CDH13: variants seen among roughly 807,000 people sequenced by gnomAD.
CDH13 encodes cadherin-13.
In CDH13, 24 loss-of-function variants were observed where a neutral mutation model predicts 63.8. The ratio of observed to expected loss-of-function variants is 0.38; its 90% CI spans 0.27 to 0.53. The LOEUF (loss-of-function observed/expected upper bound fraction) is 0.53. CDH13 is among the 20% of genes least tolerant of loss of function. The pLI is 0.85. For missense variants in CDH13, 1,049 were observed against 903.1 expected (o/e 1.16, Z -2.07); for synonymous variants, 503 against 355.3 (o/e 1.42, Z -4.67).
intron 1 of CDH13, among the ~76,000 whole-genome samples, chr16:82,740,060 C>T (rs892721134): frequency 5.9e-5 from 9 of 152,136 alleles, no homozygotes; most frequent in African/African-American, 1.9e-4. Context: ...AGAATGTGGA[C>T]GCCTATTACA....
intron 5 of CDH13, among the ~76,000 whole-genome samples, chr16:83,253,675 C>G (rs1161202030): frequency 6.6e-6 from 1 of 152,210 alleles, no homozygotes; most frequent in South Asian, 2.1e-4. Context: ...TCTGCAAATA[C>G]TCTTAAGATC....
At position 83,220,456 on chromosome 16, in the gene CDH13, C is replaced by T. The variant is rs74034414; in HGVS notation, c.636+2959C>T. Among the ~76,000 whole-genome samples the T allele has an allele frequency of 3.8e-3, 581 of 152,190 alleles. 4 individuals carry two copies. The highest frequency in any genetic ancestry group is 0.013 in the African/African-American group (551 of 41,504). ...AATGTGGTTCTTCAAAGAGGAGAAT[C>T]CTGGGTCTCCAAATCCTCACATTTT... On this transcript the variant is annotated intron_variant, in intron 5 of 13. Transcript: ENST00000567109.
At chr16:83,301,901 C>G (rs914690410) in intron 5 of CDH13, among the ~76,000 whole-genome samples, 4 of 149,626 alleles carry the variant, frequency 2.7e-5, no homozygotes, top group African/African-American at 9.9e-5. Context: ...TGTTTTCTGG[C>G]AGATACTTAA....
At chr16:83,074,015 G>A (rs989118705) in intron 3 of CDH13, among the ~76,000 whole-genome samples, 1 of 152,036 alleles carries the variant, frequency 6.6e-6, no homozygotes, top group African/African-American at 2.4e-5. Flanking sequence ...CTCCCCTCTA[G>A]CTATTTTGAG....
chr16:83,771,111 TG>T lies in CDH13; in HGVS notation c.1682-8856del, dbSNP rs371465776. ...GCTCAAAGCAACAGCCTGCCTGGTT[TG>T]CTTGGACTTTTCCTAGACTGTATGA... On this transcript the variant is annotated intron_variant, in intron 11 of 13. Coordinates refer to ENST00000567109, the MANE Select transcript of CDH13 (RefSeq NM_001257.5). Among the ~76,000 whole-genome samples the T allele has an allele frequency of 1.2e-4, 19 of 152,306 alleles. No individual in the cohort carries two copies. The East Asian group carries it at 3.7e-3, about 29-fold the overall frequency.
At chr16:83,130,574 G>A (rs2036001219) in intron 4 of CDH13, among the ~76,000 whole-genome samples, 1 of 152,210 alleles carries the variant, frequency 6.6e-6, no homozygotes, top group Admixed American at 6.5e-5. Context: ...TAAAATGTTA[G>A]TGGTAGAATA....
chr16:82,628,003 ACCAGGAGAGG>A (rs1907555469), intron 1 of CDH13, among the ~76,000 whole-genome samples: 1 of 152,220 alleles, frequency 6.6e-6, no homozygotes, highest in Admixed American at 6.5e-5. Flanking sequence ...GGGCACGCCA[ACCAGGAGAGG>A]GGGCGAGGGA....
intron 2 of CDH13, among the ~76,000 whole-genome samples, chr16:82,900,673 G>A (rs566450851): frequency 1.3e-5 from 2 of 152,324 alleles, no homozygotes; most frequent in South Asian, 2.1e-4. Context: ...CAACGTCCCC[G>A]AGGAGACGGG....
chr16:83,270,551 C>G (rs935292878), intron 5 of CDH13, among the ~76,000 whole-genome samples: 7 of 152,128 alleles, frequency 4.6e-5, no homozygotes, highest in Non-Finnish European at 1.5e-5. Flanking sequence ...CATGAGTATG[C>G]AAACACCTGA....
chr16:83,279,070 T>G (rs963771552), intron 5 of CDH13, among the ~76,000 whole-genome samples: 1 of 152,176 alleles, frequency 6.6e-6, no homozygotes, highest in Non-Finnish European at 1.5e-5. Flanking sequence ...ACTACTTTTG[T>G]GCAGGTTCGT....
intron 5 of CDH13, among the ~76,000 whole-genome samples, chr16:83,256,606 C>T (rs1027249226): frequency 1.4e-5 from 2 of 145,948 alleles, no homozygotes; most frequent in Non-Finnish European, 3.0e-5. Flanking sequence ...CTGAGGCGGG[C>T]GAATCACGAG....
chr16:83,326,695 G>T (rs1355976469), intron 5 of CDH13, among the ~76,000 whole-genome samples: 2 of 152,290 alleles, frequency 1.3e-5, no homozygotes, highest in East Asian at 3.9e-4. Flanking sequence ...CAAACATGCA[G>T]AAGGGATGTT....
At chr16:82,822,922 A>C (rs1432430175) in intron 1 of CDH13, among the ~76,000 whole-genome samples, 1 of 152,206 alleles carries the variant, frequency 6.6e-6, no homozygotes, top group Non-Finnish European at 1.5e-5. Context: ...GCTTGCAGTC[A>C]GTGGCCGAGG....
chr16:82,851,466 AAAAG>A (rs1326295871), intron 1 of CDH13, among the ~76,000 whole-genome samples: 1 of 151,748 alleles, frequency 6.6e-6, no homozygotes, highest in Non-Finnish European at 1.5e-5. Context: ...AGAAAAAGAA[AAAAG>A]AAAGCAACAA....
At chr16:83,340,981 G>A (rs2090709050) in intron 5 of CDH13, among the ~76,000 whole-genome samples, 1 of 152,112 alleles carries the variant, frequency 6.6e-6, no homozygotes, top group South Asian at 2.1e-4. Context: ...TAGGCAATGA[G>A]GGCCTGGGTG....
intron 8 of CDH13, among the ~76,000 whole-genome samples, chr16:83,605,535 G>A (rs763899876): frequency 7.9e-5 from 12 of 152,086 alleles, no homozygotes; most frequent in African/African-American, 2.4e-4. Context: ...ACCTGTTAAC[G>A]GGCTGATCGC....
At chr16:82,729,914 T>C (rs963074294) in intron 1 of CDH13, among the ~76,000 whole-genome samples, 4 of 152,230 alleles carry the variant, frequency 2.6e-5, no homozygotes, top group Admixed American at 6.5e-5. Context: ...TACACTCTTA[T>C]GTTATGAAGA....
intron 2 of CDH13, among the ~76,000 whole-genome samples, chr16:82,909,048 G>C (rs978126818): frequency 2.6e-5 from 4 of 152,104 alleles, no homozygotes; most frequent in Non-Finnish European, 5.9e-5. Flanking sequence ...TATACAGAGG[G>C]ACAACTATAC....
chr16:83,678,218 A>G lies in CDH13; in HGVS notation c.1295A>G (p.Tyr432Cys), dbSNP rs374477438. 3.7e-6 allele frequency: 6 copies of G among 1,611,800 alleles called. 1 individual carries two copies. The highest frequency in any genetic ancestry group is 5.1e-6 in the Non-Finnish European group (6 of 1,178,100). ...CTGTCTGCTTTCCAGCCATTGGACT[A>G]TGAAATTTCTGCCTTCCACACCCTG... ...GMLSVVKPLD[Y>C]EISAFHTLLI... The change falls in exon 10 of 14, where the codon TAT becomes TGT. Residue 432 changes from tyrosine (Y) to cysteine (C), a missense_variant. Tyr to Cys is a radical substitution (Grantham distance 194). Coordinates refer to ENST00000567109, the MANE Select transcript of CDH13 (RefSeq NM_001257.5).
Sources: gnomAD v4.1 joint callset for allele counts (sites outside exome capture counted in the v4.1 genomes callset) on GRCh38, gnomAD v4.1.1 for gene constraint, MANE v1.5 for transcripts, NCBI Gene and HGNC (gene_info 2026-07-23, HGNC 2026-07-21) for gene names.